STON2: variants seen among roughly 807,000 people sequenced by gnomAD.
The protein encoded by STON2 is stonin 2, also known as stonin-2.
In STON2, 29 loss-of-function variants were observed where a neutral mutation model predicts 65.7. The ratio of observed to expected loss-of-function variants is 0.44; its 90% confidence interval spans 0.33 to 0.60. The LOEUF is 0.60. Among genes scored for constraint, STON2 ranks in the 20% least tolerant of loss-of-function variants. STON2 has a pLI of 0.03. For synonymous variants in STON2, 404 were observed against 414.2 expected, an observed-to-expected ratio of 0.98 and a Z score of 0.30; for missense variants, 1,054 against 1,118.1, an observed-to-expected ratio of 0.94 and a Z score of 0.82.
At chr14:81,352,436 C>G (rs1898059913) in intron 4 of STON2, among the ~76,000 whole-genome samples, 1 of 152,134 alleles carries the variant, frequency 6.6e-6, no homozygotes, top group African/African-American at 2.4e-5. Flanking sequence ...AGATGTAAAT[C>G]ATCCAAGTTG....
Position 81,342,315 on chromosome 14 carries a change from AGTAGAGATGGGGTTTCGCCACAT to A in STON2, c.572-18151_572-18129del, listed in dbSNP as rs1022257070. Among the ~76,000 whole-genome samples the A allele has an allele frequency of 2.0e-5, 3 of 152,080 alleles. No individual in the cohort carries two copies. In the East Asian group the frequency reaches 5.8e-4, roughly 29 times the overall value. On this transcript the variant is annotated intron_variant, in intron 4 of 7. Transcript: ENST00000614646. ...ACGCCCAGCTAATTTTTGTATTTTT[AGTAGAGATGGGGTTTCGCCACAT>A]TGGCCAGGCTGGTCTTGAGCTCCTG... is the stretch of plus-strand genomic sequence containing the variant.
At chr14:81,275,829 A>G (rs1894793857) in intron 6 of STON2, among the ~76,000 whole-genome samples, 1 of 152,092 alleles carries the variant, frequency 6.6e-6, no homozygotes, top group African/African-American at 2.4e-5. Context: ...CTTAGGATAT[A>G]ATAATACAGA....
rs74492079 is a variant in STON2, at chr14:81,391,817, C to T, written c.373+4077G>A. The stretch of plus-strand genomic sequence containing the variant: ...GACTGGGCATCAAGTCTGCTGGGAA[C>T]CCATCCTACAGGACCCTCCTAAGGT... On this transcript the variant is annotated intron_variant, in intron 3 of 7. Coordinates refer to ENST00000614646, the MANE Select transcript of STON2 (RefSeq NM_001394390.1). Among the ~76,000 whole-genome samples, 116 of 152,284 alleles carry T rather than the reference C, an allele frequency of 7.6e-4. 1 individual carries two copies. The highest frequency in any genetic ancestry group is 2.7e-3 in the African/African-American group (113 of 41,552).
At chr14:81,385,490 A>G (rs1243185196) in intron 3 of STON2, among the ~76,000 whole-genome samples, 2 of 152,202 alleles carry the variant, frequency 1.3e-5, no homozygotes, top group Non-Finnish European at 2.9e-5. Flanking sequence ...GCACATACAT[A>G]TGTGTGTGGA....
At chr14:81,387,153 C>T (rs543820209) in intron 3 of STON2, among the ~76,000 whole-genome samples, 3 of 146,522 alleles carry the variant, frequency 2.0e-5, no homozygotes, top group Non-Finnish European at 4.4e-5. Context: ...TGATTTAACA[C>T]CAGAAGGTTG....
chr14:81,266,767 C>G lies in STON2; in HGVS notation c.*1647G>C. 1 of 985,392 alleles carries G rather than the reference C, an allele frequency of 1.0e-6. No individual in the cohort carries two copies. The highest frequency in any genetic ancestry group is 1.2e-6 in the Non-Finnish European group (1 of 829,922). The allele number at this position is 985,392 out of a possible 1,614,324, so 61.0% of individuals were successfully genotyped here. On this transcript the variant is annotated 3_prime_UTR_variant, in exon 8 of 8. Transcript: ENST00000614646. ...TAAGGAAATATTTCTCTATAAACTA[C>G]CGTGAAACCAGGTCTTCCTAACACC...
intron 2 of STON2, among the ~76,000 whole-genome samples, chr14:81,415,584 C>T (rs950757724): frequency 6.8e-6 from 1 of 147,290 alleles, no homozygotes; most frequent in Non-Finnish European, 1.5e-5. Flanking sequence ...GCAGGAGAAT[C>T]ACTTGAACCC....
chr14:81,283,364 T>C (rs1257697766), intron 5 of STON2, among the ~76,000 whole-genome samples: 2 of 152,194 alleles, frequency 1.3e-5, no homozygotes, highest in Non-Finnish European at 2.9e-5. Flanking sequence ...TAACCTAATT[T>C]GTAAAAAAAC....
Position 81,265,055 on chromosome 14 carries a change from TAAC to T in STON2, c.*3356_*3358del, listed in dbSNP as rs917385199. ...ATTTTTAATATTTTCACATTATTGATAACAAAGATTATTTGTGACCACAAAAAA... is the reference window on the plus strand; with the variant it reads ...ATTTTTAATATTTTCACATTATTGATAAAGATTATTTGTGACCACAAAAAA... On this transcript the variant is annotated 3_prime_UTR_variant, in exon 8 of 8. Transcript: ENST00000614646. 1 of 981,104 alleles carries T rather than the reference TAAC, an allele frequency of 1.0e-6. No homozygotes were observed. The highest frequency in any genetic ancestry group is 1.8e-5 in the African/African-American group (1 of 56,898). 60.8% of individuals were successfully genotyped at this position (981,104 alleles called of 1,614,324 possible). A position where few individuals can be genotyped will look rare whatever the true frequency, so the allele number is the denominator to read the frequency against.
chr14:81,280,432 T>C (rs190487143), intron 5 of STON2, among the ~76,000 whole-genome samples: 75 of 152,300 alleles, frequency 4.9e-4, no homozygotes, highest in African/African-American at 1.7e-3. Flanking sequence ...GCTCTTCCAT[T>C]CTCTACGTCT....
In STON2 at chr14:81,262,300, A is replaced by G. The variant is rs570309610; in HGVS notation, c.*6114T>C. 1.0e-6 allele frequency: 1 copy of G among 985,480 alleles called. No individual in the cohort carries two copies. The highest frequency in any genetic ancestry group is 1.1e-4 in the East Asian group (1 of 8,818). 61.0% of individuals were successfully genotyped at this position (985,480 alleles called of 1,614,324 possible). A position where few individuals can be genotyped will look rare whatever the true frequency, so the allele number is the denominator to read the frequency against. On this transcript the variant is annotated 3_prime_UTR_variant, in exon 8 of 8. Coordinates refer to ENST00000614646, the MANE Select transcript of STON2 (RefSeq NM_001394390.1). Reference sequence around the variant, plus strand: ...GGCATGCCTATGAGTGACTTTAAATAAACAATCCTCAATGTCCTCGTGTCT... The same window carrying G: ...GGCATGCCTATGAGTGACTTTAAATGAACAATCCTCAATGTCCTCGTGTCT...
intron 4 of STON2, among the ~76,000 whole-genome samples, chr14:81,357,807 A>G (rs545855387): frequency 3.4e-4 from 51 of 149,568 alleles, no homozygotes; most frequent in Non-Finnish European, 6.8e-4. Flanking sequence ...CAAACACCGC[A>G]TATTCTCACT....
chr14:81,310,467 T>C (rs1182631670), intron 5 of STON2, among the ~76,000 whole-genome samples: 1 of 152,110 alleles, frequency 6.6e-6, no homozygotes, highest in Admixed American at 6.6e-5. Flanking sequence ...TCCTCCCCAT[T>C]CAATGTGGTC....
intron 1 of STON2, among the ~76,000 whole-genome samples, chr14:81,435,089 C>A (rs1902364957): frequency 6.6e-6 from 1 of 152,114 alleles, no homozygotes. Context: ...AACAAAGTAC[C>A]ATGATATTAT....
chr14:81,313,692 G>A (rs532037314), intron 5 of STON2, among the ~76,000 whole-genome samples: 1 of 151,808 alleles, frequency 6.6e-6, no homozygotes, highest in South Asian at 2.1e-4. Flanking sequence ...CTACTCAGGG[G>A]GTTGAGGCAG....
At chr14:81,333,444 C>A in intron 4 of STON2, 2 of 305,162 alleles carry the variant, frequency 6.6e-6, no homozygotes, top group Non-Finnish European at 1.2e-5. Context: ...TCTCAACAAC[C>A]CTATGAAATC....
At chr14:81,356,619 C>G (rs1595389292) in intron 4 of STON2, among the ~76,000 whole-genome samples, 1 of 152,248 alleles carries the variant, frequency 6.6e-6, no homozygotes, top group Middle Eastern at 3.4e-3. Flanking sequence ...TAGAATTCGG[C>G]TGTGAATCCA....
intron 5 of STON2, among the ~76,000 whole-genome samples, chr14:81,312,179 A>G (rs1896450439): frequency 1.3e-5 from 2 of 152,122 alleles, no homozygotes; most frequent in South Asian, 4.1e-4. Flanking sequence ...TGGTTCTGGG[A>G]TGGATAGAGT....
chr14:81,425,734 A>C lies in STON2; in HGVS notation c.-199+1368T>G, dbSNP rs1901938923. 2.6e-5 allele frequency among the ~76,000 whole-genome samples: 4 copies of C among 152,338 alleles called. No homozygotes were observed. In the South Asian group the frequency reaches 6.2e-4, roughly 24 times the overall value. ...TTTTGTTCTGTGTTTCAGTTTTCATATCTCTGAATGCTTGAGCATCTGCGA... is the reference window on the plus strand; with the variant it reads ...TTTTGTTCTGTGTTTCAGTTTTCATCTCTCTGAATGCTTGAGCATCTGCGA... On this transcript the variant is annotated intron_variant, in intron 2 of 8. Transcript: ENST00000553821.
Sources: allele counts gnomAD v4.1 joint callset (sites outside exome capture counted in the v4.1 genomes callset), GRCh38; gene constraint gnomAD v4.1.1; transcripts MANE v1.5; gene names NCBI Gene and HGNC (gene_info 2026-07-23, HGNC 2026-07-21).